Variants in ASH1L observed in about 807,000 individuals in gnomAD.
ASH1L encodes ASH1 like histone lysine methyltransferase.
Under a neutral mutation model 269.0 loss-of-function variants are expected in ASH1L, and 23 were observed. The ratio of observed to expected loss-of-function variants is 0.09; its 90% CI spans 0.06 to 0.12. The LOEUF is 0.12. Ranked by LOEUF, ASH1L falls within the 10% of genes least tolerant of loss-of-function variation. The pLI is 1.00. For missense variants in ASH1L, 2,912 were observed against 3,567.8 expected (o/e 0.82, Z 4.68); for synonymous variants, 1,187 against 1,253.5 (o/e 0.95, Z 1.12).
At chr1:155,429,407 G>A (rs2148589703) in intron 5 of ASH1L, among the ~76,000 whole-genome samples, 1 of 152,182 alleles carries the variant, frequency 6.6e-6, no homozygotes, top group African/African-American at 2.4e-5. Flanking sequence ...TGAGTAGCTA[G>A]GACTACAGGC....
At chr1:155,376,571 C>T (rs746561006) in intron 10 of ASH1L, among the ~76,000 whole-genome samples, 8 of 152,054 alleles carry the variant, frequency 5.3e-5, no homozygotes, top group Non-Finnish European at 8.8e-5. Flanking sequence ...CCCAGCTACT[C>T]GGGAGGCTGA....
In ASH1L at chr1:155,562,424, G is replaced by T; in HGVS notation, c.-371C>A. ...CAAAGCGAACCCAAAATGGCGGCGGGAGCGGCGGCGGCGGCGGCGGCAGCA... is the reference window on the plus strand; with the variant it reads ...CAAAGCGAACCCAAAATGGCGGCGGTAGCGGCGGCGGCGGCGGCGGCAGCA... On this transcript the variant is annotated 5_prime_UTR_variant, in exon 1 of 28. Coordinates refer to ENST00000392403, the MANE Select transcript of ASH1L (RefSeq NM_018489.3). 1 of 1,480,540 alleles carries T rather than the reference G, an allele frequency of 6.8e-7. No homozygotes were observed. Among genetic ancestry groups the T allele is most frequent in the Non-Finnish European group, 9.2e-7 (1 of 1,092,136 alleles). The allele number at this position is 1,480,540 out of a possible 1,614,324, so 91.7% of individuals were successfully genotyped here.
intron 2 of ASH1L, among the ~76,000 whole-genome samples, chr1:155,498,604 G>C (rs979861541): frequency 1.3e-5 from 2 of 152,004 alleles, no homozygotes; most frequent in African/African-American, 4.8e-5. Context: ...ACCACGCCTG[G>C]CTAATTTTGT....
In ASH1L at chr1:155,479,545, A is replaced by G; in HGVS notation, c.3325T>C (p.Ser1109Pro). The G allele has an allele frequency of 1.2e-6, 2 of 1,614,180 alleles. No homozygotes were observed. Among genetic ancestry groups the G allele is most frequent in the Non-Finnish European group, 1.7e-6 (2 of 1,180,026 alleles). ...SSEILPSPIC[S>P]QSSGTSGGQS... ...CCTCCACTAGTCCCAGAAGACTGAG[A>G]GCAAATAGGTGATGGAAGAATCTCA... The change falls in exon 3 of 28, where the codon TCT becomes CCT. Residue 1109 changes from serine to proline, a missense_variant. Coordinates refer to ENST00000392403, the MANE Select transcript of ASH1L (RefSeq NM_018489.3).
chr1:155,399,055 T>C (rs986594735), intron 6 of ASH1L, among the ~76,000 whole-genome samples: 47 of 152,130 alleles, frequency 3.1e-4, no homozygotes, highest in African/African-American at 6.3e-4. Flanking sequence ...AGGATAAAAT[T>C]TGGCACTTAA....
At chr1:155,495,722 C>A (rs1667105390) in intron 2 of ASH1L, among the ~76,000 whole-genome samples, 1 of 152,130 alleles carries the variant, frequency 6.6e-6, no homozygotes, top group Admixed American at 6.5e-5. Flanking sequence ...TCTGGCTGGG[C>A]ACAGCAGCTC....
intron 6 of ASH1L, among the ~76,000 whole-genome samples, chr1:155,411,598 T>C (rs886301487): frequency 1.3e-5 from 1 of 77,642 alleles, no homozygotes; most frequent in Non-Finnish European, 2.9e-5. Context: ...TATATATATA[T>C]ATATATATAT....
At chr1:155,427,459 C>G (rs978116819) in intron 5 of ASH1L, among the ~76,000 whole-genome samples, 6 of 152,120 alleles carry the variant, frequency 3.9e-5, no homozygotes, top group African/African-American at 1.2e-4. Context: ...AGGCGCCCAC[C>G]ACCTGGCTAA....
chr1:155,495,962 C>T (rs2148778977), intron 2 of ASH1L, among the ~76,000 whole-genome samples: 1 of 152,194 alleles, frequency 6.6e-6, no homozygotes, highest in Non-Finnish European at 1.5e-5. Context: ...CGTGCTATTG[C>T]ACTCCAGCCT....
At chr1:155,409,601 T>C (rs1236559481) in intron 6 of ASH1L, among the ~76,000 whole-genome samples, 3 of 152,168 alleles carry the variant, frequency 2.0e-5, no homozygotes, top group Non-Finnish European at 4.4e-5. Flanking sequence ...GCAATATTCC[T>C]GCCATGATTT....
intron 12 of ASH1L, among the ~76,000 whole-genome samples, chr1:155,361,922 A>C (rs963695583): frequency 1.3e-5 from 2 of 152,070 alleles, no homozygotes; most frequent in African/African-American, 2.4e-5. Context: ...ATGAGTTAAA[A>C]TTACTTTTTA....
chr1:155,539,697 C>T (rs1224056525), intron 1 of ASH1L, among the ~76,000 whole-genome samples: 1 of 151,990 alleles, frequency 6.6e-6, no homozygotes, highest in African/African-American at 2.4e-5. Flanking sequence ...ATCTTCCAGC[C>T]TCGGCCTCCC....
At chr1:155,476,274 T>C (rs529289789) in intron 3 of ASH1L, among the ~76,000 whole-genome samples, 1 of 151,984 alleles carries the variant, frequency 6.6e-6, no homozygotes, top group South Asian at 2.1e-4. Context: ...TAGTCCCAGC[T>C]ACTCGGGAGG....
intron 5 of ASH1L, among the ~76,000 whole-genome samples, chr1:155,417,785 C>G (rs1660337787): frequency 6.6e-6 from 1 of 151,928 alleles, no homozygotes; most frequent in South Asian, 2.1e-4. Context: ...ATGGAGAAAC[C>G]CCGTCTCTAC....
chr1:155,481,140 T>G lies in ASH1L; in HGVS notation c.1730A>C (p.Gln577Pro), dbSNP rs1179779619. 1 of 1,613,978 alleles carries G rather than the reference T, an allele frequency of 6.2e-7. No homozygotes were observed. The highest frequency in any genetic ancestry group is 8.5e-7 in the Non-Finnish European group (1 of 1,179,988). The change falls in exon 3 of 28, where the codon CAG (glutamine) becomes CCG (proline). Residue 577 changes from glutamine to proline, a missense_variant. By Grantham distance (76) the Gln-to-Pro change is moderately conservative. Around this residue, in one of 13 missense-constraint regions of ASH1L, gnomAD observed 715 missense variants for 721.0 expected, o/e 0.99. Transcript: ENST00000392403. ...LTRSPPETSSQLAPNPLLLSS... is the reference protein window; with the variant it reads ...LTRSPPETSSPLAPNPLLLSS... ...TAAAAGTAATGGATTAGGAGCCAAC[T>G]GTGAAGAAGTTTCAGGGGGACTTCT... is the stretch of plus-strand genomic sequence containing the variant.
rs757803736 is a variant in ASH1L, at chr1:155,438,528, T to C, written c.5627A>G (p.Glu1876Gly). The C allele has an allele frequency of 2.6e-5, 42 of 1,613,456 alleles. No homozygotes were observed. In the South Asian group the frequency reaches 4.5e-4, roughly 17 times the overall value. Residue 1876 changes from glutamate to glycine, a missense_variant, in exon 5 of 28, where the codon GAA (glutamate) becomes GGA (glycine). Coordinates refer to ENST00000392403, the MANE Select transcript of ASH1L (RefSeq NM_018489.3). ...AFQAAQFVNPELNRDEEGAAL... is the reference protein window; with the variant it reads ...AFQAAQFVNPGLNRDEEGAAL... Reference sequence around the variant, plus strand: ...TGCTCCTTCCTCGTCTCTGTTCAATTCTGGGTTGACAAACTGAGCAGCCTG... The same window carrying C: ...TGCTCCTTCCTCGTCTCTGTTCAATCCTGGGTTGACAAACTGAGCAGCCTG...
At chr1:155,424,177 T>G (rs1303449917) in intron 5 of ASH1L, among the ~76,000 whole-genome samples, 4 of 152,176 alleles carry the variant, frequency 2.6e-5, no homozygotes, top group African/African-American at 9.7e-5. Context: ...CATATAGGTC[T>G]CATAGGGTCA....
chr1:155,380,620 T>A (rs1407073710), intron 7 of ASH1L, among the ~76,000 whole-genome samples: 1 of 151,842 alleles, frequency 6.6e-6, no homozygotes, highest in Non-Finnish European at 1.5e-5. Context: ...TATTCAGCCT[T>A]AAAAAGAATG....
intron 1 of ASH1L, among the ~76,000 whole-genome samples, chr1:155,542,307 T>C (rs1441269074): frequency 6.6e-6 from 1 of 152,130 alleles, no homozygotes; most frequent in Non-Finnish European, 1.5e-5. Flanking sequence ...CCCAGCACTT[T>C]GGGAGTCTGA....
Sources: allele counts gnomAD v4.1 joint callset (sites outside exome capture counted in the v4.1 genomes callset), GRCh38; gene constraint gnomAD v4.1.1; regional missense constraint gnomAD v4.1.1; transcripts MANE v1.5; gene names NCBI Gene and HGNC (gene_info 2026-07-23, HGNC 2026-07-21).